Variants in NFYC observed in about 807,000 individuals in gnomAD.
The protein encoded by NFYC is nuclear transcription factor Y subunit gamma.
In NFYC, 25 loss-of-function variants were observed where a neutral mutation model predicts 53.1. The ratio of observed to expected loss-of-function variants is 0.47; its 90% CI spans 0.34 to 0.66. NFYC has a LOEUF of 0.66. NFYC is among the 30% of genes least tolerant of loss of function. NFYC has a pLI of 0.01. For synonymous variants in NFYC, 145 were observed against 152.6 expected (o/e 0.95, Z 0.37); for missense variants, 260 against 422.7 (o/e 0.62, Z 3.38).
At chr1:40,757,105 A>G (rs1003849118) in intron 5 of NFYC, among the ~76,000 whole-genome samples, 1 of 152,214 alleles carries the variant, frequency 6.6e-6, no homozygotes, top group African/African-American at 2.4e-5. Context: ...CTTTGCCCTG[A>G]ATAAGGACAT....
chr1:40,726,228 C>T (rs1356954608), intron 1 of NFYC, among the ~76,000 whole-genome samples: 1 of 152,052 alleles, frequency 6.6e-6, no homozygotes, highest in Non-Finnish European at 1.5e-5. Flanking sequence ...AGCGATTCTG[C>T]TGCCCCAGCT....
intron 5 of NFYC, chr1:40,754,232 G>A: frequency 1.9e-6 from 1 of 528,684 alleles, no homozygotes; most frequent in South Asian, 1.4e-5. Flanking sequence ...GAAAGTCTAG[G>A]AGAAGTGGGC....
At chr1:40,742,393 C>A (rs1464291129) in intron 2 of NFYC, among the ~76,000 whole-genome samples, 1 of 152,164 alleles carries the variant, frequency 6.6e-6, no homozygotes, top group African/African-American at 2.4e-5. Flanking sequence ...TGATTTGTAA[C>A]CTACTTGGTT....
chr1:40,721,875 T>C (rs1363781902), intron 1 of NFYC, among the ~76,000 whole-genome samples: 1 of 152,040 alleles, frequency 6.6e-6, no homozygotes, highest in Admixed American at 6.5e-5. Flanking sequence ...AGGAGACATA[T>C]TCTAAGAATT....
chr1:40,731,065 G>GAC (rs1644747515), intron 1 of NFYC, among the ~76,000 whole-genome samples: 2 of 152,168 alleles, frequency 1.3e-5, no homozygotes, highest in Non-Finnish European at 2.9e-5. Flanking sequence ...GCCTGAGTGA[G>GAC]AGTGTGCCCT....
intron 6 of NFYC, 27 bp downstream of exon 6, chr1:40,758,321 C>A: frequency 6.3e-7 from 1 of 1,584,190 alleles, no homozygotes; most frequent in Admixed American, 1.7e-5. Flanking sequence ...GGATGCCCAT[C>A]CAGCAAGACA....
intron 1 of NFYC, among the ~76,000 whole-genome samples, chr1:40,711,111 C>G (rs993282422): frequency 8.5e-5 from 13 of 152,164 alleles, no homozygotes; most frequent in African/African-American, 3.1e-4. Context: ...AGTGAACTGC[C>G]TAACAGATTC....
chr1:40,721,705 G>C (rs1028961248), intron 1 of NFYC: 1 of 152,326 alleles, frequency 6.6e-6, no homozygotes, highest in Non-Finnish European at 1.5e-5. Context: ...GGAGCTACAG[G>C]TGCGTGCCAC....
chr1:40,726,299 G>T (rs1349794033), intron 1 of NFYC, among the ~76,000 whole-genome samples: 1 of 151,972 alleles, frequency 6.6e-6, no homozygotes, highest in Non-Finnish European at 1.5e-5. Context: ...TGTATTTTTA[G>T]TAGAGACGGG....
intron 4 of NFYC, among the ~76,000 whole-genome samples, 184 bp from the exon 5 acceptor site, chr1:40,752,967 A>T (rs1285913226): frequency 1.3e-5 from 2 of 151,918 alleles, no homozygotes; most frequent in African/African-American, 4.8e-5. Flanking sequence ...TTTTTTGTTG[A>T]TGGTTGCCCA....
chr1:40,766,322 C>T, intron 7 of NFYC: 1 of 378,588 alleles, frequency 2.6e-6, no homozygotes, highest in Non-Finnish European at 4.8e-6. Flanking sequence ...AGCATGCAGC[C>T]ATGCTGTTCT....
At chr1:40,716,507 G>T (rs565435907) in intron 1 of NFYC, among the ~76,000 whole-genome samples, 1 of 152,274 alleles carries the variant, frequency 6.6e-6, no homozygotes, top group African/African-American at 2.4e-5. Context: ...ATGTTGAAGG[G>T]CCTTGTTTGC....
intron 8 of NFYC, among the ~76,000 whole-genome samples, chr1:40,768,119 TTAG>T (rs1646910948): frequency 6.6e-6 from 1 of 152,234 alleles, no homozygotes. Flanking sequence ...AACCTAATAC[TTAG>T]TAGGTGCTCA....
chr1:40,767,772 A>G (rs1228363544), intron 8 of NFYC, among the ~76,000 whole-genome samples: 2 of 152,098 alleles, frequency 1.3e-5, no homozygotes, highest in African/African-American at 4.8e-5. Flanking sequence ...TGAGGTCGGG[A>G]GTTTGAGACC....
intron 6 of NFYC, among the ~76,000 whole-genome samples, chr1:40,761,139 T>C (rs139976670): frequency 2.0e-5 from 3 of 152,280 alleles, no homozygotes; most frequent in African/African-American, 7.2e-5. Flanking sequence ...ACCTTGGAAA[T>C]CCTCTCGGGA....
chr1:40,705,979 C>T (rs1192638428), intron 1 of NFYC, among the ~76,000 whole-genome samples: 1 of 152,204 alleles, frequency 6.6e-6, no homozygotes. Context: ...TGCCTGAGCT[C>T]AAGTGATCCT....
rs1376574396 is a variant in NFYC at position 40,691,837 on chromosome 1, G to GCTCCTGCTCTTCCTGGA, written c.-32_-16dup. The GCTCCTGCTCTTCCTGGA allele has an allele frequency of 4.6e-6, 2 of 434,852 alleles. No homozygotes were observed. Among genetic ancestry groups the GCTCCTGCTCTTCCTGGA allele is most frequent in the East Asian group, 8.2e-5 (1 of 12,232 alleles). The allele number at this position is 434,852 out of a possible 1,614,324, so 26.9% of individuals were successfully genotyped here. A position where few individuals can be genotyped will look rare whatever the true frequency, so the allele number is the denominator to read the frequency against. ...CCGACTCCGTAGGAGCGCGGGGGCG[G>GCTCCTGCTCTTCCTGGA]CTCCTGCTCTTCCTGGACTCCTGAG... On this transcript the variant is annotated 5_prime_UTR_variant, in exon 1 of 10. Coordinates refer to ENST00000447388, the MANE Select transcript of NFYC (RefSeq NM_014223.5).
intron 5 of NFYC, among the ~76,000 whole-genome samples, chr1:40,755,210 G>C (rs1406156965): frequency 6.6e-6 from 1 of 152,186 alleles, no homozygotes; most frequent in African/African-American, 2.4e-5. Context: ...TGTAGAGATG[G>C]CCCTAGGATG....
intron 1 of NFYC, among the ~76,000 whole-genome samples, chr1:40,717,501 A>G (rs1430899298): frequency 2.0e-5 from 3 of 152,202 alleles, no homozygotes; most frequent in African/African-American, 4.8e-5. Context: ...CACCGTATGT[A>G]ATACATGGTC....
Sources: gnomAD v4.1 joint callset for allele counts (sites outside exome capture counted in the v4.1 genomes callset) on GRCh38, gnomAD v4.1.1 for gene constraint, MANE v1.5 for transcripts, NCBI Gene and HGNC (gene_info 2026-07-23, HGNC 2026-07-21) for gene names.